LARGE1: variants seen among roughly 807,000 people sequenced by gnomAD.
LARGE1 encodes LARGE xylosyl- and glucuronyltransferase 1.
A neutral mutation model predicts 87.6 loss-of-function variants in LARGE1; 43 were observed. The observed-to-expected ratio is 0.49, with a 90% CI of 0.38 to 0.63. The LOEUF (loss-of-function observed/expected upper bound fraction) is 0.63, where lower values mean the gene tolerates loss of function less well. Among genes scored for constraint, LARGE1 ranks in the 30% least tolerant of loss-of-function variants. LARGE1 has a pLI of 0.00. For missense variants in LARGE1, 802 were observed against 1,000.2 expected, an observed-to-expected ratio of 0.80 and a Z score of 2.67; for synonymous variants, 434 against 394.6, an observed-to-expected ratio of 1.10 and a Z score of -1.18.
chr22:33,771,285 C>T (rs2085061736), intron 1 of LARGE1, among the ~76,000 whole-genome samples: 1 of 151,784 alleles, frequency 6.6e-6, no homozygotes, highest in Middle Eastern at 3.4e-3. Context: ...TTGTTTCAGA[C>T]TGCAGTAGCC....
At chr22:33,626,812 C>A (rs545671733) in intron 3 of LARGE1, among the ~76,000 whole-genome samples, 1 of 152,320 alleles carries the variant, frequency 6.6e-6, no homozygotes, top group Non-Finnish European at 1.5e-5. Flanking sequence ...CCTCCGCACC[C>A]CATCTGGGAT....
At chr22:33,567,120 G>A (rs1270358714) in intron 5 of LARGE1, among the ~76,000 whole-genome samples, 1 of 152,138 alleles carries the variant, frequency 6.6e-6, no homozygotes, top group East Asian at 1.9e-4. Context: ...GATGGAATGG[G>A]TCTCATGAGT....
chr22:33,420,902 G>A (rs1228082136), intron 7 of LARGE1, among the ~76,000 whole-genome samples: 1 of 152,154 alleles, frequency 6.6e-6, no homozygotes, highest in African/African-American at 2.4e-5. Flanking sequence ...TAAAGGAAAA[G>A]GAAGGCTGGG....
At chr22:33,245,350 C>T (rs1222845436) in intron 11 of LARGE1, among the ~76,000 whole-genome samples, 1 of 152,202 alleles carries the variant, frequency 6.6e-6, no homozygotes, top group African/African-American at 2.4e-5. Flanking sequence ...TTTTTCAAAA[C>T]ACTCCCATAA....
intron 6 of LARGE1, among the ~76,000 whole-genome samples, chr22:33,466,455 G>A (rs2068613428): frequency 6.6e-6 from 1 of 151,034 alleles, no homozygotes; most frequent in African/African-American, 2.4e-5. Flanking sequence ...AGGACCTGGT[G>A]GGAATATAGT....
intron 1 of LARGE1, among the ~76,000 whole-genome samples, chr22:33,858,630 G>A (rs1601793465): frequency 6.6e-6 from 1 of 152,166 alleles, no homozygotes; most frequent in Non-Finnish European, 1.5e-5. Flanking sequence ...CACCTTCCCA[G>A]CTAGGCTTAG....
rs916615423 is a variant in LARGE1 at position 33,782,677 on chromosome 22, C to T, written c.-82-21119G>A. Among the ~76,000 whole-genome samples the T allele has an allele frequency of 1.5e-4, 23 of 151,924 alleles. No individual in the cohort carries two copies. In the East Asian group the frequency reaches 4.3e-3, roughly 28 times the overall value. On this transcript the variant is annotated intron_variant, in intron 1 of 14. Transcript: ENST00000397394. Reference sequence around the variant, plus strand: ...GTCAGGAGATCAAGACCATCCTGGCCAACATGGTGAAACCCCGTCTCTACT... The same window carrying T: ...GTCAGGAGATCAAGACCATCCTGGCTAACATGGTGAAACCCCGTCTCTACT...
Position 33,877,112 on chromosome 22 carries a change from G to A in LARGE1, c.-83+42883C>T, listed in dbSNP as rs558792714. 4.6e-5 allele frequency among the ~76,000 whole-genome samples: 7 copies of A among 152,250 alleles called. No homozygotes were observed. The East Asian group carries it at 9.7e-4, about 21-fold the overall frequency. ...TGCCTTCCGCAAGTATTTACTGAGC[G>A]TCTTCTATGTACCAGGAATGGATCC... On this transcript the variant is annotated intron_variant, in intron 1 of 14. Coordinates refer to ENST00000397394, the MANE Select transcript of LARGE1 (RefSeq NM_133642.5).
chr22:33,812,972 T>C (rs987127790), intron 1 of LARGE1, among the ~76,000 whole-genome samples: 1 of 152,202 alleles, frequency 6.6e-6, no homozygotes, highest in African/African-American at 2.4e-5. Context: ...TTTTCTCCTA[T>C]TAGGTGGTAC....
chr22:33,438,786 A>C (rs2067364216), intron 6 of LARGE1, among the ~76,000 whole-genome samples: 1 of 152,198 alleles, frequency 6.6e-6, no homozygotes, highest in Non-Finnish European at 1.5e-5. Context: ...ACTTGGCAAA[A>C]CAGGATTCTA....
At position 33,385,897 on chromosome 22, in the gene LARGE1, T is replaced by C. The variant is rs373184042; in HGVS notation, c.893-1593A>G. On this transcript the variant is annotated intron_variant, in intron 7 of 14. Coordinates refer to ENST00000397394, the MANE Select transcript of LARGE1 (RefSeq NM_133642.5). ...CCTAGCACCTGCATTTCCAAGACTC[T>C]AGGAAAGAAACTGATTTCCCCAAAT... Among the ~76,000 whole-genome samples, 11 of 148,974 alleles carry C rather than the reference T, an allele frequency of 7.4e-5. 1 individual carries two copies. The South Asian group carries it at 1.6e-3, about 22-fold the overall frequency.
chr22:33,558,144 G>A (rs956895354), intron 6 of LARGE1, among the ~76,000 whole-genome samples: 20 of 152,154 alleles, frequency 1.3e-4, no homozygotes, highest in African/African-American at 3.1e-4. Flanking sequence ...TGTGAGATGC[G>A]TGGAAATCTG....
At chr22:33,711,725 C>G (rs1052231873) in intron 2 of LARGE1, among the ~76,000 whole-genome samples, 4 of 152,238 alleles carry the variant, frequency 2.6e-5, no homozygotes, top group Non-Finnish European at 5.9e-5. Flanking sequence ...TAGCTCACTG[C>G]AGCCTCAAAC....
chr22:33,790,473 T>C (rs1467248152), intron 1 of LARGE1, among the ~76,000 whole-genome samples: 1 of 152,052 alleles, frequency 6.6e-6, no homozygotes, highest in African/African-American at 2.4e-5. Context: ...TTAAACCAAT[T>C]TTTTTTTCTT....
chr22:33,204,128 C>G (rs1924567663), intron 11 of LARGE1, among the ~76,000 whole-genome samples: 1 of 151,832 alleles, frequency 6.6e-6, no homozygotes, highest in Non-Finnish European at 1.5e-5. Context: ...AGATTAAAGC[C>G]TTTAAGGAAG....
At chr22:33,693,301 C>T (rs2082147440) in intron 2 of LARGE1, among the ~76,000 whole-genome samples, 1 of 151,852 alleles carries the variant, frequency 6.6e-6, no homozygotes, top group African/African-American at 2.4e-5. Flanking sequence ...GTACAATGTA[C>T]ACTACTTGGG....
At chr22:33,374,946 G>C (rs912603527) in intron 9 of LARGE1, among the ~76,000 whole-genome samples, 10 of 151,894 alleles carry the variant, frequency 6.6e-5, no homozygotes, top group Non-Finnish European at 1.0e-4. Context: ...TTCTTTAAAG[G>C]CATTTGCAAG....
At chr22:33,577,692 A>G (rs552128640) in intron 5 of LARGE1, among the ~76,000 whole-genome samples, 1 of 152,314 alleles carries the variant, frequency 6.6e-6, no homozygotes, top group Admixed American at 6.5e-5. Flanking sequence ...TGTAGGTGAC[A>G]CCCTTGCCTG....
intron 5 of LARGE1, among the ~76,000 whole-genome samples, chr22:33,565,639 T>C (rs1001607161): frequency 5.4e-5 from 8 of 148,340 alleles, no homozygotes; most frequent in Non-Finnish European, 7.4e-5. Context: ...AAGGAGGACC[T>C]AGTCATCACG....
Sources: allele counts gnomAD v4.1 joint callset (sites outside exome capture counted in the v4.1 genomes callset), GRCh38; gene constraint gnomAD v4.1.1; transcripts MANE v1.5; gene names NCBI Gene and HGNC (gene_info 2026-07-23, HGNC 2026-07-21).